The following ATP10B variants were observed in gnomAD, a reference collection of about 807,000 sequenced individuals.
ATP10B encodes the protein phospholipid-transporting ATPase VB.
Under a neutral mutation model 141.2 loss-of-function variants are expected in ATP10B, and 122 were observed. The observed-to-expected ratio is 0.86, with a 90% CI of 0.75 to 1.00. ATP10B has a LOEUF of 1.00. Ranked by LOEUF, ATP10B falls within the 50% of genes least tolerant of loss-of-function variation. The pLI, the probability that ATP10B is intolerant of heterozygous loss-of-function variation, is 0.00. For missense variants in ATP10B, 1,876 were observed against 1,825.3 expected, an observed-to-expected ratio of 1.03 and a Z score of -0.51; for synonymous variants, 685 against 692.0, an observed-to-expected ratio of 0.99 and a Z score of 0.16.
At chr5:160,735,228 A>C (rs1011242644) in intron 2 of ATP10B, among the ~76,000 whole-genome samples, 5 of 151,968 alleles carry the variant, frequency 3.3e-5, no homozygotes, top group Non-Finnish European at 7.4e-5. Context: ...ATGGACTAAA[A>C]AAAAAAATCT....
At chr5:160,813,016 G>C (rs1302204483) in intron 1 of ATP10B, among the ~76,000 whole-genome samples, 1 of 152,192 alleles carries the variant, frequency 6.6e-6, no homozygotes, top group Non-Finnish European at 1.5e-5. Flanking sequence ...TAGCAAGATG[G>C]CCAAATAGGA....
upstream of ATP10B, among the ~76,000 whole-genome samples, chr5:160,855,279 T>C (rs1581658576): frequency 1.3e-5 from 2 of 152,096 alleles, no homozygotes; most frequent in African/African-American, 4.8e-5. Context: ...TTTCTCCGCA[T>C]CCTCACCAGC....
At chr5:160,885,524 T>C in the ATP10B span, among the ~76,000 whole-genome samples, 1 of 152,178 alleles carries the variant, frequency 6.6e-6, no homozygotes, top group African/African-American at 2.4e-5. Context: ...ATTCCTAACT[T>C]ACAGAAATCA....
chr5:160,788,253 C>T (rs1771312289), intron 1 of ATP10B, among the ~76,000 whole-genome samples: 2 of 152,250 alleles, frequency 1.3e-5, no homozygotes, highest in South Asian at 4.1e-4. Flanking sequence ...TTCCAGTAAA[C>T]CTTAATGAAT....
intron 7 of ATP10B, among the ~76,000 whole-genome samples, chr5:160,650,185 TAC>T (rs1468035030): frequency 2.4e-4 from 37 of 151,208 alleles, no homozygotes; most frequent in African/African-American, 8.5e-4. Flanking sequence ...CATATATATA[TAC>T]ATGTACACAC....
chr5:160,748,000 A>G (rs899797103), intron 2 of ATP10B, among the ~76,000 whole-genome samples: 14 of 127,110 alleles, frequency 1.1e-4, no homozygotes, highest in East Asian at 2.2e-4. Context: ...AGAGAGAAAA[A>G]AAAAAAAAAA....
intron 22 of ATP10B, among the ~76,000 whole-genome samples, chr5:160,592,696 G>A (rs550464261): frequency 5.3e-5 from 8 of 152,310 alleles, no homozygotes; most frequent in Non-Finnish European, 8.8e-5. Context: ...CTGGAAAATC[G>A]GGTCACTCCC....
chr5:160,811,562 G>T (rs979148083), intron 1 of ATP10B, among the ~76,000 whole-genome samples: 1 of 152,172 alleles, frequency 6.6e-6, no homozygotes, highest in Non-Finnish European at 1.5e-5. Context: ...TGGATCAGTA[G>T]TTGTAGTGGC....
At chr5:160,656,045 C>A (rs1458681482) in intron 7 of ATP10B, among the ~76,000 whole-genome samples, 2 of 152,188 alleles carry the variant, frequency 1.3e-5, no homozygotes, top group Non-Finnish European at 2.9e-5. Flanking sequence ...GAATATATTC[C>A]ATTAGCTAGA....
At chr5:160,738,105 GA>G (rs1171787288) in intron 2 of ATP10B, among the ~76,000 whole-genome samples, 1 of 151,926 alleles carries the variant, frequency 6.6e-6, no homozygotes. Flanking sequence ...TGACAACATA[GA>G]ATTAGGTTAA....
intron 10 of ATP10B, chr5:160,638,992 G>C (rs1422852259): frequency 6.6e-6 from 1 of 152,392 alleles, no homozygotes; most frequent in African/African-American, 2.4e-5. Flanking sequence ...CCACAGACTG[G>C]CTCAGCTTTG....
Position 160,606,784 on chromosome 5 carries a change from G to A in ATP10B, c.3141C>T (p.Arg1047=), listed in dbSNP as rs1371446661. 9 of 1,613,642 alleles carry A rather than the reference G, an allele frequency of 5.6e-6. No individual in the cohort carries two copies. The highest frequency in any genetic ancestry group is 2.2e-5 in the East Asian group (1 of 44,890). ...GGGTACCTATGGAAAGGGTCATGAC[G>A]CGCAACTTGTCTCGCACCAGCTTGA... is the stretch of plus-strand genomic sequence containing the variant. ...MIVKLVRDKL[R]VMTLSIGDGA... is the part of the protein sequence containing the mutation. The change falls in exon 19 of 26, where the codon CGC becomes CGT. Residue 1047 remains arginine (R), a synonymous_variant. Coordinates refer to ENST00000327245, the MANE Select transcript of ATP10B (RefSeq NM_025153.3).
At chr5:160,920,236 A>G in the ATP10B span, among the ~76,000 whole-genome samples, 1 of 152,190 alleles carries the variant, frequency 6.6e-6, no homozygotes, top group Non-Finnish European at 1.5e-5. Context: ...TCAAAGAAGA[A>G]TTTGAATCGA....
intron 7 of ATP10B, among the ~76,000 whole-genome samples, chr5:160,668,324 C>T (rs889673286): frequency 1.0e-4 from 15 of 149,464 alleles, no homozygotes; most frequent in Admixed American, 5.3e-4. Flanking sequence ...CTCATTCACA[C>T]GCATATACAC....
intron 2 of ATP10B, among the ~76,000 whole-genome samples, chr5:160,736,116 G>A (rs962265795): frequency 6.6e-6 from 1 of 151,748 alleles, no homozygotes; most frequent in East Asian, 1.9e-4. Context: ...ATTAGTCGAA[G>A]AAAAGAAATA....
chr5:160,631,471 C>T (rs900838024), intron 13 of ATP10B, among the ~76,000 whole-genome samples: 1 of 152,196 alleles, frequency 6.6e-6, no homozygotes, highest in African/African-American at 2.4e-5. Flanking sequence ...CAGCAATGCC[C>T]ATAAGGGCCG....
chr5:160,910,680 G>A, the ATP10B span, among the ~76,000 whole-genome samples: 1 of 152,130 alleles, frequency 6.6e-6, no homozygotes, highest in African/African-American at 2.4e-5. Context: ...TAATTTTTGA[G>A]GCTATGAAAA....
intron 24 of ATP10B, among the ~76,000 whole-genome samples, chr5:160,576,114 A>G (rs770264262): frequency 2.0e-5 from 3 of 152,170 alleles, no homozygotes; most frequent in Non-Finnish European, 4.4e-5. Context: ...ACATGCCTGA[A>G]CCAATCACTG....
chr5:160,663,456 G>C (rs1248660824), intron 7 of ATP10B, among the ~76,000 whole-genome samples: 4 of 152,144 alleles, frequency 2.6e-5, no homozygotes, highest in Non-Finnish European at 1.5e-5. Context: ...ATACTATGCA[G>C]CCATAAAAAA....
Sources: gnomAD v4.1 joint callset for allele counts (sites outside exome capture counted in the v4.1 genomes callset) on GRCh38, gnomAD v4.1.1 for gene constraint, MANE v1.5 for transcripts, NCBI Gene and HGNC (gene_info 2026-07-23, HGNC 2026-07-21) for gene names.